Variants in HCK observed in about 807,000 individuals in gnomAD.
HCK encodes the protein tyrosine-protein kinase HCK.
HCK carries 40 observed loss-of-function variants against 70.4 expected under a neutral mutation model. That is an observed-to-expected ratio of 0.57 (90% CI 0.44 to 0.74). The LOEUF is 0.74. Among genes scored for constraint, HCK ranks in the 30% least tolerant of loss-of-function variants. The probability of loss-of-function intolerance (pLI) is 0.00; values close to 1 mark genes in which losing one functional copy is unlikely to be tolerated. For synonymous variants in HCK, 245 were observed against 263.2 expected, an observed-to-expected ratio of 0.93 and a Z score of 0.67; for missense variants, 568 against 697.2, an observed-to-expected ratio of 0.81 and a Z score of 2.09.
At chr20:32,053,954 A>T (rs1237912610) in intron 1 of HCK, among the ~76,000 whole-genome samples, 1 of 151,950 alleles carries the variant, frequency 6.6e-6, no homozygotes, top group Non-Finnish European at 1.5e-5. Flanking sequence ...AAAGGCCTCA[A>T]TGCCTATCAG....
At chr20:32,059,851 A>G (rs2045340297) in intron 1 of HCK, among the ~76,000 whole-genome samples, 1 of 152,190 alleles carries the variant, frequency 6.6e-6, no homozygotes, top group South Asian at 2.1e-4. Context: ...AGGATGCACT[A>G]ATGTTTTACT....
chr20:32,089,218 C>G (rs1423746614), intron 10 of HCK, among the ~76,000 whole-genome samples: 1 of 152,290 alleles, frequency 6.6e-6, no homozygotes, highest in African/African-American at 2.4e-5. Flanking sequence ...AGTCACATAG[C>G]CATGCCCAGA....
rs1372209110 is a variant in HCK at position 32,083,914 on chromosome 20, C to T, written c.553C>T (p.Arg185Ter). 1.2e-6 allele frequency: 2 copies of T among 1,614,190 alleles called. No homozygotes were observed. Among genetic ancestry groups the T allele is most frequent in the Non-Finnish European group, 1.7e-6 (2 of 1,180,026 alleles). ...TTCAGGAAGCTACTCTTTGTCCGTG[C>T]GAGACTACGACCCTCGGCAGGGAGA... Residue 185 changes from arginine to a stop codon, truncating the protein, a stop_gained, in exon 7 of 13, where the codon CGA becomes TGA. Coordinates refer to ENST00000375852, the MANE Select transcript of HCK (RefSeq NM_002110.5). LOFTEE classifies it high-confidence loss of function.
At chr20:32,057,504 G>A (rs997537838) in intron 1 of HCK, among the ~76,000 whole-genome samples, 2 of 152,198 alleles carry the variant, frequency 1.3e-5, no homozygotes, top group African/African-American at 4.8e-5. Flanking sequence ...GGAGGCTGAG[G>A]TGGGAGGATC....
At chr20:32,063,598 G>A (rs543036305) in intron 1 of HCK, among the ~76,000 whole-genome samples, 1 of 152,172 alleles carries the variant, frequency 6.6e-6, no homozygotes, top group South Asian at 2.1e-4. Context: ...TCAGCTTAAT[G>A]AGGTCCATAT....
At position 32,069,693 on chromosome 20, in the gene HCK, CA is replaced by C. The variant is rs778562208; in HGVS notation, c.63-1966del. The C allele has an allele frequency of 1.8e-5, 16 of 881,778 alleles. No homozygotes were observed. In the African/African-American group the frequency reaches 2.8e-4, roughly 15 times the overall value. The allele number at this position is 881,778 out of a possible 1,614,324, so 54.6% of individuals were successfully genotyped here. Reference sequence around the variant, plus strand: ...CCTTATTTTATTTCCAAAAGACAAACAAAGCAAAACCGCTCAAGTCTTGAGG... The same window carrying C: ...CCTTATTTTATTTCCAAAAGACAAACAAGCAAAACCGCTCAAGTCTTGAGG... On this transcript the variant is annotated intron_variant, in intron 1 of 12. Coordinates refer to ENST00000375852, the MANE Select transcript of HCK (RefSeq NM_002110.5).
chr20:32,098,881 G>C (rs939819400), intron 11 of HCK, 123 bp from the exon 12 acceptor site: 2 of 1,063,188 alleles, frequency 1.9e-6, no homozygotes, highest in Non-Finnish European at 2.8e-6. Context: ...ACGTATCAGG[G>C]AAATTGCAGG....
chr20:32,095,895 A>G (rs997904798), intron 11 of HCK, among the ~76,000 whole-genome samples: 2 of 144,448 alleles, frequency 1.4e-5, no homozygotes, highest in African/African-American at 5.1e-5. Context: ...TTATTTATTT[A>G]TTTATTTATT....
intron 11 of HCK, among the ~76,000 whole-genome samples, chr20:32,098,033 A>ATATTT (rs112064933): frequency 1.0e-3 from 152 of 148,958 alleles, no homozygotes; most frequent in East Asian, 8.8e-3. Context: ...CTATTTTTTT[A>ATATTT]TATTTTATTT....
chr20:32,078,790 G>A (rs138439763), intron 5 of HCK, among the ~76,000 whole-genome samples: 226 of 139,272 alleles, frequency 1.6e-3, no homozygotes, highest in African/African-American at 5.3e-3. Flanking sequence ...CCGAGAAGCA[G>A]AGGTTTCAGT....
chr20:32,093,090 G>A (rs1034943508), intron 10 of HCK, among the ~76,000 whole-genome samples: 11 of 152,030 alleles, frequency 7.2e-5, no homozygotes, highest in African/African-American at 1.9e-4. Context: ...GATTACAGGC[G>A]TGCACCACCA....
At chr20:32,094,791 A>G (rs1002107540) in intron 11 of HCK, among the ~76,000 whole-genome samples, 3,172 of 19,244 alleles carry the variant, frequency 0.16, 178 homozygotes, top group East Asian at 0.3. Flanking sequence ...GAGAAAGAGA[A>G]AGAAAGAAAG....
intron 1 of HCK, among the ~76,000 whole-genome samples, chr20:32,062,130 G>A (rs2045388790): frequency 6.6e-6 from 1 of 151,874 alleles, no homozygotes; most frequent in Non-Finnish European, 1.5e-5. Flanking sequence ...AGTAGAGATG[G>A]GGTTTCACCA....
At chr20:32,058,572 A>G (rs1165117221) in intron 1 of HCK, among the ~76,000 whole-genome samples, 2 of 148,572 alleles carry the variant, frequency 1.3e-5, no homozygotes, top group South Asian at 2.1e-4. Flanking sequence ...GATACTACTC[A>G]TGATTCCTGC....
intron 10 of HCK, among the ~76,000 whole-genome samples, chr20:32,091,565 T>A (rs1170939430): frequency 6.6e-6 from 1 of 152,090 alleles, no homozygotes; most frequent in Non-Finnish European, 1.5e-5. Context: ...CTCATAAATT[T>A]CCCACACTCC....
chr20:32,085,853 G>A (rs1300764090), intron 8 of HCK, among the ~76,000 whole-genome samples: 1 of 152,200 alleles, frequency 6.6e-6, no homozygotes, highest in Non-Finnish European at 1.5e-5. Flanking sequence ...GGGGAGTTTA[G>A]TGGCTGATGA....
rs1478411922 is a variant in HCK, at chr20:32,098,987, T to G, written c.1247-17T>G. The stretch of plus-strand genomic sequence containing the variant: ...ACTCCCCAGCCTTCCCCGACTCTGC[T>G]CTGTTCAACCCTGCAGGGGCCAAGT... On this transcript the variant is annotated splice_polypyrimidine_tract_variant and intron_variant, in intron 11 of 12. Transcript: ENST00000375852. 3.1e-6 allele frequency: 5 copies of G among 1,613,618 alleles called. No individual in the cohort carries two copies. Among genetic ancestry groups the G allele is most frequent in the Non-Finnish European group, 4.2e-6 (5 of 1,179,674 alleles).
chr20:32,052,633 C>T, intron 1 of HCK, 147 bp downstream of exon 1: 1 of 528,406 alleles, frequency 1.9e-6, no homozygotes, highest in African/African-American at 2.0e-5. Context: ...CCGCGGGTAG[C>T]CCGGGGGATG....
intron 11 of HCK, among the ~76,000 whole-genome samples, chr20:32,098,476 C>G (rs1028293662): frequency 9.9e-5 from 15 of 151,800 alleles, no homozygotes; most frequent in Non-Finnish European, 2.1e-4. Flanking sequence ...AGCCTGGGCA[C>G]TCTGTCTCTA....
Sources: allele counts gnomAD v4.1 joint callset (sites outside exome capture counted in the v4.1 genomes callset), GRCh38; gene constraint gnomAD v4.1.1; transcripts MANE v1.5; gene names NCBI Gene and HGNC (gene_info 2026-07-23, HGNC 2026-07-21).